SMARCC1: variants seen among roughly 807,000 people sequenced by gnomAD.
SMARCC1 encodes the protein SWI/SNF complex subunit SMARCC1.
In SMARCC1, 43 loss-of-function variants were observed where a neutral mutation model predicts 147.4. The observed-to-expected ratio is 0.29, with a 90% CI of 0.23 to 0.38. SMARCC1 has a LOEUF of 0.38. Ranked by LOEUF, SMARCC1 falls within the 10% of genes least tolerant of loss-of-function variation. The pLI is 1.00. For missense variants in SMARCC1, 1,119 were observed against 1,381.1 expected, an observed-to-expected ratio of 0.81 and a Z score of 3.01; for synonymous variants, 495 against 484.4, an observed-to-expected ratio of 1.02 and a Z score of -0.29.
chr3:47,653,743 T>C (rs920980313), intron 21 of SMARCC1, among the ~76,000 whole-genome samples: 2 of 152,216 alleles, frequency 1.3e-5, no homozygotes, highest in Admixed American at 1.3e-4. Context: ...GAAATATTTA[T>C]GTTATGGTCT....
chr3:47,667,930 A>T (rs2033443991), intron 19 of SMARCC1, among the ~76,000 whole-genome samples: 1 of 151,924 alleles, frequency 6.6e-6, no homozygotes, highest in Non-Finnish European at 1.5e-5. Context: ...TAATCTAAGT[A>T]CTCTGGGAGG....
chr3:47,645,033 A>G (rs576157968), intron 21 of SMARCC1, among the ~76,000 whole-genome samples: 4 of 152,246 alleles, frequency 2.6e-5, no homozygotes, highest in African/African-American at 7.2e-5. Flanking sequence ...AACTCCATCA[A>G]TGAAAATATC....
At chr3:47,752,719 G>A (rs2034642306) in intron 2 of SMARCC1, among the ~76,000 whole-genome samples, 1 of 152,072 alleles carries the variant, frequency 6.6e-6, no homozygotes, top group African/African-American at 2.4e-5. Context: ...GAGCCTAGGA[G>A]GCTGAAGCTG....
chr3:47,714,692 G>T (rs2034134463), intron 7 of SMARCC1, among the ~76,000 whole-genome samples: 1 of 152,082 alleles, frequency 6.6e-6, no homozygotes, highest in Non-Finnish European at 1.5e-5. Context: ...TACCCAGGAA[G>T]CTGAGGTGGA....
In SMARCC1 at chr3:47,778,200, AAAC is replaced by A. The variant is rs1176740684; in HGVS notation, c.195+3400_195+3402del. ...AGCGAGACTCCATCTCAAAAAAAAA[AAAC>A]AAAAAACAAAAAACAAAAAAAACAC... On this transcript the variant is annotated intron_variant, in intron 1 of 27. Transcript: ENST00000254480. Among the ~76,000 whole-genome samples, 125 of 143,518 alleles carry A rather than the reference AAAC, an allele frequency of 8.7e-4. 4 individuals are homozygous for A. The highest frequency in any genetic ancestry group is 1.9e-3 in the South Asian group (9 of 4,636). The allele number at this position is 143,518 out of a possible 152,430, so 94.2% of individuals were successfully genotyped here.
chr3:47,623,884 A>ATTTT (rs34106939), intron 24 of SMARCC1, among the ~76,000 whole-genome samples: 1 of 145,594 alleles, frequency 6.9e-6, no homozygotes, highest in Admixed American at 6.8e-5. Context: ...TGTTTCTGGT[A>ATTTT]TTTTTTTTTT....
chr3:47,663,696 T>G, intron 19 of SMARCC1: 1 of 1,490,294 alleles, frequency 6.7e-7, no homozygotes, highest in Non-Finnish European at 9.4e-7. Flanking sequence ...AGCCCCACTG[T>G]TTACAGGAAT....
At chr3:47,700,718 T>C (rs1298801703) in intron 11 of SMARCC1, among the ~76,000 whole-genome samples, 1 of 151,964 alleles carries the variant, frequency 6.6e-6, no homozygotes, top group Non-Finnish European at 1.5e-5. Context: ...AGAGATGGGG[T>C]TTCACCACAT....
intron 19 of SMARCC1, among the ~76,000 whole-genome samples, chr3:47,666,488 A>T (rs1303904025): frequency 6.6e-6 from 1 of 152,142 alleles, no homozygotes; most frequent in African/African-American, 2.4e-5. Flanking sequence ...TACCTAATAA[A>T]GTTTACTGAA....
chr3:47,607,812 G>A (rs2032500465), intron 26 of SMARCC1, among the ~76,000 whole-genome samples: 1 of 152,168 alleles, frequency 6.6e-6, no homozygotes, highest in Non-Finnish European at 1.5e-5. Context: ...AGAAGCTGAG[G>A]CAGGGGGATT....
chr3:47,648,205 G>A (rs1321388730), intron 21 of SMARCC1, among the ~76,000 whole-genome samples: 1 of 151,922 alleles, frequency 6.6e-6, no homozygotes, highest in African/African-American at 2.4e-5. Context: ...ATGTTGTGCA[G>A]GCTGGTCTCG....
intron 11 of SMARCC1, among the ~76,000 whole-genome samples, chr3:47,700,189 C>A (rs916320492): frequency 1.4e-4 from 21 of 151,178 alleles, no homozygotes; most frequent in Admixed American, 1.3e-3. Flanking sequence ...AAAAAAAAAA[C>A]CTACCAATAA....
chr3:47,686,163 T>A lies in SMARCC1; in HGVS notation c.1271A>T (p.Glu424Val). The A allele has an allele frequency of 6.2e-7, 1 of 1,611,794 alleles. No homozygotes were observed. The highest frequency in any genetic ancestry group is 8.5e-7 in the Non-Finnish European group (1 of 1,178,408). ...ETVTAGGKED[E>V]DPAKGDQSRS... The stretch of plus-strand genomic sequence containing the variant: ...ACTCTGATCACCTTTGGCAGGATCT[T>A]CATCTTCCTATAGAAAAGAAGACAA... Residue 424 changes from glutamate (E) to valine (V), a missense_variant, in exon 14 of 28, where the codon GAA (glutamate) becomes GTA (valine). By Grantham distance (121) the Glu-to-Val change is moderately radical (BLOSUM62 -2). Around this residue, in one of 6 missense-constraint regions of SMARCC1, gnomAD observed 542 missense variants for 611.8 expected, o/e 0.89. Transcript: ENST00000254480.
At chr3:47,633,779 T>TATACACACACACACACACACAC (rs1367543059) in intron 24 of SMARCC1, among the ~76,000 whole-genome samples, 2 of 28,876 alleles carry the variant, frequency 6.9e-5, no homozygotes. Flanking sequence ...TATATATATA[T>TATACACACACACACACACACAC]ACACACACAC....
At chr3:47,753,124 T>C (rs1343101198) in intron 2 of SMARCC1, among the ~76,000 whole-genome samples, 2 of 151,926 alleles carry the variant, frequency 1.3e-5, no homozygotes, top group Non-Finnish European at 2.9e-5. Context: ...GGGGGGCGGA[T>C]CACGAGGTGA....
intron 25 of SMARCC1, among the ~76,000 whole-genome samples, chr3:47,620,681 T>G (rs954211221): frequency 2.6e-5 from 4 of 152,148 alleles, no homozygotes; most frequent in Admixed American, 2.6e-4. Context: ...CAGGGAATGC[T>G]ACGTACAAGA....
chr3:47,602,660 A>G (rs2032406976), intron 26 of SMARCC1, among the ~76,000 whole-genome samples: 1 of 152,228 alleles, frequency 6.6e-6, no homozygotes, highest in African/African-American at 2.4e-5. Flanking sequence ...AATCAGACCA[A>G]TTCTATTCTG....
At chr3:47,657,888 G>A (rs962915128) in intron 21 of SMARCC1, among the ~76,000 whole-genome samples, 7 of 151,764 alleles carry the variant, frequency 4.6e-5, no homozygotes, top group East Asian at 1.9e-4. Flanking sequence ...ATAGAATGTC[G>A]CAAAAGCAGT....
At chr3:47,761,355 A>G (rs2034771384) in intron 2 of SMARCC1, among the ~76,000 whole-genome samples, 1 of 152,168 alleles carries the variant, frequency 6.6e-6, no homozygotes, top group Non-Finnish European at 1.5e-5. Flanking sequence ...CTAAAAATAT[A>G]TAACTAAATA....
Sources: allele counts gnomAD v4.1 joint callset (sites outside exome capture counted in the v4.1 genomes callset), GRCh38; gene constraint gnomAD v4.1.1; regional missense constraint gnomAD v4.1.1; transcripts MANE v1.5; gene names NCBI Gene and HGNC (gene_info 2026-07-23, HGNC 2026-07-21).